SLIT2: variants seen among roughly 807,000 people sequenced by gnomAD.
The protein encoded by SLIT2 is slit homolog 2 protein.
Under a neutral mutation model 185.7 loss-of-function variants are expected in SLIT2, and 41 were observed. The ratio of observed to expected loss-of-function variants is 0.22; its 90% confidence interval spans 0.17 to 0.29. The LOEUF is 0.29. Ranked by LOEUF, SLIT2 falls within the 10% of genes least tolerant of loss-of-function variation. SLIT2 has a pLI of 1.00. For synonymous variants in SLIT2, 693 were observed against 680.2 expected (o/e 1.02, Z -0.29); for missense variants, 1,571 against 1,909.0 (o/e 0.82, Z 3.30).
intron 4 of SLIT2, among the ~76,000 whole-genome samples, chr4:20,352,158 T>C (rs780154036): frequency 3.3e-5 from 5 of 152,196 alleles, no homozygotes; most frequent in Non-Finnish European, 7.3e-5. Flanking sequence ...TAAAGATTGA[T>C]TGAACTCTTG....
intron 4 of SLIT2, among the ~76,000 whole-genome samples, chr4:20,290,640 CAG>C (rs778078545): frequency 1.1e-4 from 16 of 152,190 alleles, no homozygotes; most frequent in South Asian, 2.1e-4. Flanking sequence ...AGCTTGAAAA[CAG>C]GGGTGGGTTT....
chr4:20,344,347 C>G (rs1285474522), intron 4 of SLIT2, among the ~76,000 whole-genome samples: 3 of 152,044 alleles, frequency 2.0e-5, no homozygotes, highest in African/African-American at 7.2e-5. Context: ...TTGATTAGAG[C>G]AATTTGGGAA....
At chr4:20,441,325 T>A (rs1362304702) in intron 4 of SLIT2, among the ~76,000 whole-genome samples, 2 of 152,304 alleles carry the variant, frequency 1.3e-5, no homozygotes, top group Middle Eastern at 3.4e-3. Context: ...CAAATCTTTA[T>A]GGCACTGGCA....
intron 4 of SLIT2, among the ~76,000 whole-genome samples, chr4:20,329,377 A>G (rs116461311): frequency 6.6e-6 from 1 of 151,984 alleles, no homozygotes; most frequent in African/African-American, 2.4e-5. Context: ...ATTTATAATC[A>G]TGTTAGAATA....
intron 4 of SLIT2, among the ~76,000 whole-genome samples, chr4:20,413,600 T>G (rs1278487977): frequency 6.6e-6 from 1 of 152,056 alleles, no homozygotes; most frequent in Admixed American, 6.6e-5. Context: ...TGGCCACTCT[T>G]GCTTTTTATT....
chr4:20,321,076 T>G (rs1719036033), intron 4 of SLIT2, among the ~76,000 whole-genome samples: 1 of 152,096 alleles, frequency 6.6e-6, no homozygotes, highest in Non-Finnish European at 1.5e-5. Flanking sequence ...GTAGTGAGAC[T>G]AGATTGCGCC....
At chr4:20,574,407 C>T (rs1725896432) in intron 29 of SLIT2, among the ~76,000 whole-genome samples, 1 of 152,214 alleles carries the variant, frequency 6.6e-6, no homozygotes, top group Non-Finnish European at 1.5e-5. Flanking sequence ...AATGCTGGCA[C>T]AGTGTCCTAA....
intron 4 of SLIT2, among the ~76,000 whole-genome samples, chr4:20,437,650 T>C (rs1185613895): frequency 6.6e-6 from 1 of 151,650 alleles, no homozygotes; most frequent in Non-Finnish European, 1.5e-5. Flanking sequence ...TGGTGGCTCA[T>C]GCCTGTAATC....
intron 22 of SLIT2, among the ~76,000 whole-genome samples, chr4:20,547,734 A>G (rs978895731): frequency 2.1e-4 from 31 of 150,678 alleles, no homozygotes; most frequent in African/African-American, 7.3e-4. Flanking sequence ...TTTTACATAT[A>G]TAGTGTGTGT....
intron 4 of SLIT2, among the ~76,000 whole-genome samples, chr4:20,327,289 C>G (rs1719674573): frequency 1.3e-5 from 2 of 151,990 alleles, no homozygotes; most frequent in Non-Finnish European, 2.9e-5. Flanking sequence ...ATACCTTTCC[C>G]CTTCCAACTG....
intron 4 of SLIT2, among the ~76,000 whole-genome samples, chr4:20,460,184 T>A (rs570046075): frequency 6.6e-6 from 1 of 152,162 alleles, no homozygotes; most frequent in African/African-American, 2.4e-5. Flanking sequence ...TTCTTTTTTT[T>A]TCCCTGCCTC....
chr4:20,465,964 C>CTTT lies in SLIT2; in HGVS notation c.396-1778_396-1776dup, dbSNP rs34983010. On this transcript the variant is annotated intron_variant, in intron 4 of 36. Coordinates refer to ENST00000504154, the MANE Select transcript of SLIT2 (RefSeq NM_004787.4). ...TTATTCATCTACACACTCTTTGAGG[C>CTTT]TTTTTTTTTTTTGTCTTTGAAGTGG... 8.9e-5 allele frequency among the ~76,000 whole-genome samples: 13 copies of CTTT among 146,134 alleles called. No individual in the cohort carries two copies. In the East Asian group the frequency reaches 2.0e-3, roughly 23 times the overall value.
intron 4 of SLIT2, among the ~76,000 whole-genome samples, chr4:20,370,937 T>G (rs1723522309): frequency 6.6e-6 from 1 of 152,144 alleles, no homozygotes; most frequent in Non-Finnish European, 1.5e-5. Context: ...ACCAAATCAC[T>G]AGGCATCGTT....
At position 20,358,340 on chromosome 4, in the gene SLIT2, G is replaced by C. The variant is rs575283721; in HGVS notation, c.395+89459G>C. 3.3e-5 allele frequency among the ~76,000 whole-genome samples: 5 copies of C among 152,224 alleles called. No homozygotes were observed. In the South Asian group the frequency reaches 1.0e-3, roughly 32 times the overall value. On this transcript the variant is annotated intron_variant, in intron 4 of 36. Coordinates refer to ENST00000504154, the MANE Select transcript of SLIT2 (RefSeq NM_004787.4). ...AAGCAGATACATATTTCTGCATGTC[G>C]ATGCATGTATCCACTGTATTTTTAA...
At chr4:20,278,563 C>T (rs1031886725) in intron 4 of SLIT2, among the ~76,000 whole-genome samples, 3 of 151,954 alleles carry the variant, frequency 2.0e-5, no homozygotes, top group African/African-American at 7.3e-5. Context: ...ATAGGAATAT[C>T]GCTTTAAACA....
chr4:20,388,777 GGAA>G (rs1204973586), intron 4 of SLIT2, among the ~76,000 whole-genome samples: 4 of 85,010 alleles, frequency 4.7e-5, no homozygotes, highest in African/African-American at 1.6e-4. Flanking sequence ...CCGTCTCAGG[GGAA>G]AAAAAAAAAA....
chr4:20,510,265 T>G (rs1394980800), intron 9 of SLIT2, among the ~76,000 whole-genome samples: 1 of 152,212 alleles, frequency 6.6e-6, no homozygotes, highest in Non-Finnish European at 1.5e-5. Flanking sequence ...GGATATGTAG[T>G]ACTTAAAAAT....
intron 4 of SLIT2, among the ~76,000 whole-genome samples, chr4:20,291,488 ATATATTTTTTTTTTTTTTTTTTT>A (rs1383997620): frequency 2.3e-3 from 24 of 10,244 alleles, no homozygotes; most frequent in Non-Finnish European, 2.9e-3. Context: ...ATATATATAT[ATATATTTTTTTTTTTTTTTTTTT>A]TTTTTTTTTT....
intron 4 of SLIT2, among the ~76,000 whole-genome samples, chr4:20,374,568 A>G (rs1723861131): frequency 6.6e-6 from 1 of 151,800 alleles, no homozygotes; most frequent in African/African-American, 2.4e-5. Flanking sequence ...GCTAATTGTG[A>G]TCTCATAGCC....
Sources: gnomAD v4.1 joint callset for allele counts (sites outside exome capture counted in the v4.1 genomes callset) on GRCh38, gnomAD v4.1.1 for gene constraint, MANE v1.5 for transcripts, NCBI Gene and HGNC (gene_info 2026-07-23, HGNC 2026-07-21) for gene names.